PHF12: variants seen among roughly 807,000 people sequenced by gnomAD.
PHF12 encodes the protein PHD finger protein 12, also known as PHD factor 1.
In PHF12, 6 loss-of-function variants were observed where a neutral mutation model predicts 99.8. The ratio of observed to expected loss-of-function variants is 0.06; its 90% CI spans 0.03 to 0.12. The LOEUF (loss-of-function observed/expected upper bound fraction) is 0.12, where lower values mean the gene tolerates loss of function less well. PHF12 is among the 10% of genes least tolerant of loss of function. The pLI is 1.00. For synonymous variants in PHF12, 480 were observed against 514.9 expected, an observed-to-expected ratio of 0.93 and a Z score of 0.92; for missense variants, 954 against 1,300.1, an observed-to-expected ratio of 0.73 and a Z score of 4.09.
chr17:28,912,867 A>G lies in PHF12; in HGVS notation c.1704T>C (p.Ala568=), dbSNP rs749015477. ...DSTDPRRLPG[A]NTPLPGLSHR... ...GTGAGAGGCCTGGTAGTGGGGTGTT[A>G]GCGCCTGGAAGTCGCCGGGGGTCCG... Residue 568 remains alanine (A), a synonymous_variant, in exon 9 of 15, where the codon GCT becomes GCC. Transcript: ENST00000332830. 17 of 1,611,438 alleles carry G rather than the reference A, an allele frequency of 1.1e-5. No individual in the cohort carries two copies. Among genetic ancestry groups the G allele is most frequent in the African/African-American group, 4.0e-5 (3 of 74,886 alleles).
chr17:28,910,829 T>C, intron 10 of PHF12: 1 of 418,414 alleles, frequency 2.4e-6, no homozygotes, highest in South Asian at 3.1e-5. Context: ...ATCCAGGTGA[T>C]CTGCCTAAAG....
At chr17:28,911,064 C>G (rs374040047) in intron 10 of PHF12, 48 bp downstream of exon 10, 141 of 1,611,858 alleles carry the variant, frequency 8.7e-5, no homozygotes, top group Non-Finnish European at 1.2e-4. Flanking sequence ...ATAGGAATAG[C>G]ACCTTCAACA....
At chr17:28,923,815 T>G in intron 4 of PHF12, 94 bp downstream of exon 4, 5 of 1,413,874 alleles carry the variant, frequency 3.5e-6, no homozygotes, top group Non-Finnish European at 3.8e-6. Context: ...AGACAGTAGC[T>G]ACATGAACAG....
Position 28,951,517 on chromosome 17 carries a change from C to T in PHF12, c.-557G>A. 4 of 985,290 alleles carry T rather than the reference C, an allele frequency of 4.1e-6. No individual in the cohort carries two copies. The highest frequency in any genetic ancestry group is 4.8e-6 in the Non-Finnish European group (4 of 829,884). The allele number at this position is 985,290 out of a possible 1,614,324, so 61.0% of individuals were successfully genotyped here. On this transcript the variant is annotated 5_prime_UTR_variant, in exon 1 of 15. Transcript: ENST00000332830. ...GCAGGCGCCCCGGGATCGGCGCTCGCCGCGCGCAACCGCAGTGACAGCCGG... is the reference window on the plus strand; with the variant it reads ...GCAGGCGCCCCGGGATCGGCGCTCGTCGCGCGCAACCGCAGTGACAGCCGG...
At position 28,914,046 on chromosome 17, in the gene PHF12, G is replaced by T. The variant is rs1289448115; in HGVS notation, c.1135-9C>A. 1 of 1,594,328 alleles carries T rather than the reference G, an allele frequency of 6.3e-7. No individual in the cohort carries two copies. The highest frequency in any genetic ancestry group is 8.6e-7 in the Non-Finnish European group (1 of 1,163,846). On this transcript the variant is annotated splice_polypyrimidine_tract_variant and intron_variant, in intron 7 of 14. Transcript: ENST00000332830. ...TTTATAGCATCAGGAACCTGTTCAG[G>T]ATAGATAGAAGGAGGAAGGAGAGGG... is the stretch of plus-strand genomic sequence containing the variant.
At chr17:28,908,149 T>C (rs1384262038) in intron 12 of PHF12, 1 of 163,254 alleles carries the variant, frequency 6.1e-6, no homozygotes, top group East Asian at 1.8e-4. Flanking sequence ...TATGTGTGAG[T>C]CTATCACTCT....
chr17:28,917,863 C>G (rs1445978136), intron 6 of PHF12, among the ~76,000 whole-genome samples: 4 of 152,112 alleles, frequency 2.6e-5, no homozygotes, highest in African/African-American at 7.2e-5. Flanking sequence ...AAGGGCCTCT[C>G]TCTAATAGGA....
chr17:28,907,978 C>A, intron 12 of PHF12: 1 of 241,484 alleles, frequency 4.1e-6, no homozygotes, highest in Non-Finnish European at 8.3e-6. Flanking sequence ...CATCGGGGTG[C>A]AGAGCCTAGA....
intron 2 of PHF12, among the ~76,000 whole-genome samples, chr17:28,939,945 CAG>C (rs1382603116): frequency 2.0e-5 from 3 of 152,352 alleles, no homozygotes; most frequent in East Asian, 1.9e-4. Context: ...GAGCCTCACG[CAG>C]AGAGCCCAGA....
chr17:28,933,104 A>C (rs2040444727), intron 2 of PHF12, among the ~76,000 whole-genome samples: 1 of 152,208 alleles, frequency 6.6e-6, no homozygotes, highest in Non-Finnish European at 1.5e-5. Flanking sequence ...CTCATGTATC[A>C]ATGAAGACAG....
intron 12 of PHF12, chr17:28,907,937 A>G: frequency 2.8e-6 from 1 of 355,890 alleles, no homozygotes; most frequent in Non-Finnish European, 5.4e-6. Flanking sequence ...TGAGCTACTG[A>G]AGAGGATGGG....
In PHF12 at chr17:28,926,917, G is replaced by A. The variant is rs759379192; in HGVS notation, c.321+74C>T. ...AGGGACAAGAATGCCTTCAGGGCTA[G>A]GCCGTCTTAGCTCTAGCATATCAGT... On this transcript the variant is annotated intron_variant, in intron 3 of 14. Coordinates refer to ENST00000332830, the MANE Select transcript of PHF12 (RefSeq NM_001033561.2). 5 of 1,607,636 alleles carry A rather than the reference G, an allele frequency of 3.1e-6. No individual in the cohort carries two copies. The South Asian group carries it at 4.4e-5, about 14-fold the overall frequency.
At chr17:28,929,623 C>T (rs2040358622) in intron 2 of PHF12, 1 of 152,198 alleles carries the variant, frequency 6.6e-6, no homozygotes, top group Non-Finnish European at 1.5e-5. Context: ...GGCAAATTTT[C>T]TTAGCTCCCT....
chr17:28,914,040 G>A lies in PHF12; in HGVS notation c.1135-3C>T. 6.3e-7 allele frequency: 1 copy of A among 1,599,764 alleles called. No individual in the cohort carries two copies. The highest frequency in any genetic ancestry group is 8.6e-7 in the Non-Finnish European group (1 of 1,168,234). On this transcript the variant is annotated splice_region_variant and splice_polypyrimidine_tract_variant and intron_variant, in intron 7 of 14. Coordinates refer to ENST00000332830, the MANE Select transcript of PHF12 (RefSeq NM_001033561.2). Reference sequence around the variant, plus strand: ...TGAGATTTTATAGCATCAGGAACCTGTTCAGGATAGATAGAAGGAGGAAGG... The same window carrying A: ...TGAGATTTTATAGCATCAGGAACCTATTCAGGATAGATAGAAGGAGGAAGG...
chr17:28,942,317 C>G (rs761686157), intron 2 of PHF12, among the ~76,000 whole-genome samples: 1 of 151,410 alleles, frequency 6.6e-6, no homozygotes, highest in Non-Finnish European at 1.5e-5. Flanking sequence ...GACAGGAGTT[C>G]GAGAACAGCC....
Position 28,909,025 on chromosome 17 carries a change from T to C in PHF12, c.2360-144A>G. On this transcript the variant is annotated intron_variant, in intron 11 of 14. Coordinates refer to ENST00000332830, the MANE Select transcript of PHF12 (RefSeq NM_001033561.2). ...ATCTTTCCAAACTCACATCCAACAC[T>C]GAGCTGCGGCAGGGTAAGGCTTTCT... 6.9e-6 allele frequency: 5 copies of C among 727,688 alleles called. No homozygotes were observed. In the South Asian group the frequency reaches 8.6e-5, roughly 12 times the overall value. The allele number at this position is 727,688 out of a possible 1,614,324, so 45.1% of individuals were successfully genotyped here.
intron 10 of PHF12, chr17:28,910,760 G>A (rs1395345862): frequency 8.1e-6 from 3 of 368,860 alleles, no homozygotes; most frequent in Non-Finnish European, 9.9e-6. Context: ...TGGACTTTGG[G>A]GGTTTCCCAC....
At chr17:28,913,828 G>A (rs910114814) in intron 8 of PHF12, 51 bp downstream of exon 8, 13 of 1,565,378 alleles carry the variant, frequency 8.3e-6, no homozygotes, top group Non-Finnish European at 1.1e-5. Flanking sequence ...AACAGCTGTG[G>A]TGACACAGAA....
chr17:28,935,900 A>C (rs966639773), intron 2 of PHF12, among the ~76,000 whole-genome samples: 3 of 152,108 alleles, frequency 2.0e-5, no homozygotes, highest in African/African-American at 7.2e-5. Context: ...AAAACCACAA[A>C]CATACATCCC....
Sources: gnomAD v4.1 joint callset for allele counts (sites outside exome capture counted in the v4.1 genomes callset) on GRCh38, gnomAD v4.1.1 for gene constraint, MANE v1.5 for transcripts, NCBI Gene and HGNC (gene_info 2026-07-23, HGNC 2026-07-21) for gene names.